Variants in KDM2A observed in about 807,000 individuals in gnomAD.
The protein encoded by KDM2A is lysine demethylase 2A.
In KDM2A, 3 loss-of-function variants were observed where a neutral mutation model predicts 137.3. That is an observed-to-expected ratio of 0.02 (90% CI 0.01 to 0.06). The LOEUF (loss-of-function observed/expected upper bound fraction) is 0.06, where lower values mean the gene tolerates loss of function less well. Ranked by LOEUF, KDM2A falls within the 10% of genes least tolerant of loss-of-function variation. KDM2A has a pLI of 1.00. For synonymous variants in KDM2A, 512 were observed against 541.5 expected (o/e 0.95, Z 0.76); for missense variants, 738 against 1,510.6 (o/e 0.49, Z 8.48).
chr11:67,196,424 G>A (rs1254812904), intron 5 of KDM2A: 2 of 456,072 alleles, frequency 4.4e-6, no homozygotes, highest in Non-Finnish European at 8.8e-6. Context: ...GCAAGCATGA[G>A]CCACAGTGCT....
intron 2 of KDM2A, among the ~76,000 whole-genome samples, chr11:67,139,630 C>T (rs932038228): frequency 6.6e-6 from 1 of 152,126 alleles, no homozygotes; most frequent in African/African-American, 2.4e-5. Flanking sequence ...CCTTCTGCCT[C>T]AGCCTCTCAA....
At chr11:67,156,248 CAAAAA>C (rs767497410) in intron 2 of KDM2A, among the ~76,000 whole-genome samples, 2 of 108,850 alleles carry the variant, frequency 1.8e-5, no homozygotes, top group African/African-American at 6.5e-5. Context: ...AACTCCGTCT[CAAAAA>C]AAAAAAAAAA....
At chr11:67,145,736 T>G (rs1856228512) in intron 2 of KDM2A, among the ~76,000 whole-genome samples, 1 of 152,036 alleles carries the variant, frequency 6.6e-6, no homozygotes, top group Non-Finnish European at 1.5e-5. Context: ...ACTCGGCTAC[T>G]TTCTCTTTTC....
In KDM2A at chr11:67,254,113, T is replaced by G; in HGVS notation, c.3092-90T>G. 2 of 1,203,332 alleles carry G rather than the reference T, an allele frequency of 1.7e-6. No individual in the cohort carries two copies. The highest frequency in any genetic ancestry group is 2.3e-6 in the Non-Finnish European group (2 of 854,588). 74.5% of individuals were successfully genotyped at this position (1,203,332 alleles called of 1,614,324 possible). On this transcript the variant is annotated intron_variant, in intron 19 of 20. Coordinates refer to ENST00000529006, the MANE Select transcript of KDM2A (RefSeq NM_012308.3). This position sits in a 1 kb window ranked among gnomAD's most constrained non-coding sequence, Gnocchi z 4.7. ...TCTACTTAACCCCTTCAAGGGGGCC[T>G]GGCCAGCAAGTAGCTGTTGCTGCCT...
At chr11:67,181,664 T>C (rs1857094417) in intron 4 of KDM2A, among the ~76,000 whole-genome samples, 182 bp from the exon 5 acceptor site, 1 of 152,144 alleles carries the variant, frequency 6.6e-6, no homozygotes, top group Non-Finnish European at 1.5e-5. Context: ...AACATTTTAT[T>C]ATGTATTCTT....
chr11:67,249,536 C>T (rs1369004840), intron 16 of KDM2A, among the ~76,000 whole-genome samples: 1 of 152,166 alleles, frequency 6.6e-6, no homozygotes, highest in African/African-American at 2.4e-5. Flanking sequence ...ATCTAGAGAG[C>T]ACAAATGCCA....
chr11:67,185,495 G>C lies in KDM2A; in HGVS notation c.307+3603G>C, dbSNP rs533999045. Among the ~76,000 whole-genome samples the C allele has an allele frequency of 1.4e-4, 21 of 152,108 alleles. 1 individual carries two copies. Among genetic ancestry groups the C allele is most frequent in the South Asian group, 8.3e-4 (4 of 4,812 alleles). On this transcript the variant is annotated intron_variant, in intron 5 of 20. Transcript: ENST00000529006. ...AATACAAAACTTAACTGGGCATGGT[G>C]GTGGGCCCCTGTAATCCCAGCTACT...
At position 67,219,394 on chromosome 11, in the gene KDM2A, T is replaced by C; in HGVS notation, c.948T>C (p.Asp316=). The C allele has an allele frequency of 6.3e-7, 1 of 1,593,174 alleles. No homozygotes were observed. The highest frequency in any genetic ancestry group is 1.1e-5 in the South Asian group (1 of 88,670). Residue 316 remains aspartate, a synonymous_variant, in exon 10 of 21, where the codon GAT becomes GAC. Transcript: ENST00000529006. The stretch of plus-strand genomic sequence containing the variant: ...AGTTAAAAATATACAACATTGAAGA[T>C]CGGACACGGGTAAGTAATCTTATGT... The part of the protein sequence containing the change: ...PMQLKIYNIE[D]RTRVPNKFRY...
At chr11:67,247,079 T>TTTA (rs1859268405) in intron 15 of KDM2A, among the ~76,000 whole-genome samples, 1 of 79,420 alleles carries the variant, frequency 1.3e-5, no homozygotes, top group Admixed American at 1.3e-4. Flanking sequence ...ATATTTTTTT[T>TTTA]TTTTTTTTTT....
At chr11:67,207,762 T>C in intron 6 of KDM2A, 74 bp downstream of exon 6, 1 of 1,253,772 alleles carries the variant, frequency 8.0e-7, no homozygotes, top group Admixed American at 2.3e-5. Flanking sequence ...TGGTAACTGA[T>C]GCTTGTTATC....
chr11:67,223,051 G>A (rs1377318249), intron 10 of KDM2A, among the ~76,000 whole-genome samples: 1 of 152,044 alleles, frequency 6.6e-6, no homozygotes, highest in East Asian at 1.9e-4. Context: ...AATTAGCCAG[G>A]CGTGGTGGCA....
At chr11:67,171,686 C>T (rs1459078219) in intron 2 of KDM2A, among the ~76,000 whole-genome samples, 1 of 152,188 alleles carries the variant, frequency 6.6e-6, no homozygotes, top group Admixed American at 6.5e-5. Flanking sequence ...TCTTAATTCT[C>T]ACAGTGTGAT....
chr11:67,218,332 A>G (rs895903813), intron 9 of KDM2A, among the ~76,000 whole-genome samples: 2 of 152,338 alleles, frequency 1.3e-5, no homozygotes, highest in Admixed American at 6.5e-5. Context: ...ACAGACCTCT[A>G]TTAGGATTCT....
At chr11:67,131,357 C>T (rs989512656) in intron 2 of KDM2A, among the ~76,000 whole-genome samples, 4 of 151,236 alleles carry the variant, frequency 2.6e-5, no homozygotes, top group African/African-American at 4.9e-5. Flanking sequence ...TCTTACTCCA[C>T]GGTGTGTAGG....
intron 11 of KDM2A, among the ~76,000 whole-genome samples, chr11:67,230,099 C>G (rs1217952809): frequency 6.6e-6 from 1 of 151,900 alleles, no homozygotes; most frequent in Non-Finnish European, 1.5e-5. Flanking sequence ...TGGCGTGAAC[C>G]CAGAAGGTGG....
At chr11:67,227,468 C>T (rs745403669) in intron 10 of KDM2A, among the ~76,000 whole-genome samples, 16 of 151,882 alleles carry the variant, frequency 1.1e-4, no homozygotes, top group South Asian at 2.1e-4. Context: ...CTTACTCTTA[C>T]ATTTTACTCT....
chr11:67,237,135 C>G (rs1433711876), intron 12 of KDM2A, among the ~76,000 whole-genome samples: 3 of 152,044 alleles, frequency 2.0e-5, no homozygotes, highest in Non-Finnish European at 4.4e-5. Context: ...ATGGTAAAAA[C>G]TCTGAATTTA....
intron 2 of KDM2A, among the ~76,000 whole-genome samples, chr11:67,168,347 C>G (rs564334192): frequency 6.6e-6 from 1 of 152,066 alleles, no homozygotes; most frequent in East Asian, 1.9e-4. Flanking sequence ...GTTGTTCTTC[C>G]TACTGGGCTT....
intron 2 of KDM2A, among the ~76,000 whole-genome samples, chr11:67,130,129 A>AT (rs71461635): frequency 0.15 from 21,843 of 142,912 alleles, 2,788 homozygotes; most frequent in African/African-American, 0.32. Flanking sequence ...CACCTGGCTA[A>AT]TTTTTTTTTT....
Sources: gnomAD v4.1 joint callset for allele counts (sites outside exome capture counted in the v4.1 genomes callset) on GRCh38, gnomAD v4.1.1 for gene constraint, Gnocchi (gnomAD v3.1) non-coding constraint, MANE v1.5 for transcripts, NCBI Gene and HGNC (gene_info 2026-07-23, HGNC 2026-07-21) for gene names.